Variants in HM13 observed in about 807,000 individuals in gnomAD.
The protein encoded by HM13 is histocompatibility minor 13.
A neutral mutation model predicts 50.0 loss-of-function variants in HM13; 18 were observed. The observed-to-expected ratio is 0.36, with a 90% CI of 0.25 to 0.53. The LOEUF (loss-of-function observed/expected upper bound fraction) is 0.53, where lower values mean the gene tolerates loss of function less well. Ranked by LOEUF, HM13 falls within the 20% of genes least tolerant of loss-of-function variation. The pLI, the probability that HM13 is intolerant of heterozygous loss-of-function variation, is 0.90. For missense variants in HM13, 393 were observed against 552.4 expected (o/e 0.71, Z 2.89); for synonymous variants, 197 against 232.6 (o/e 0.85, Z 1.39).
chr20:31,538,460 G>A, intron 3 of HM13, 199 bp downstream of exon 3: 2 of 1,424,324 alleles, frequency 1.4e-6, no homozygotes, highest in Non-Finnish European at 9.2e-7. Flanking sequence ...TTTCCTTATA[G>A]ACATGATGAG....
chr20:31,529,384 A>G (rs1028323110), intron 2 of HM13, among the ~76,000 whole-genome samples: 5 of 151,658 alleles, frequency 3.3e-5, no homozygotes, highest in Admixed American at 6.6e-5. Context: ...AGCTGGGACT[A>G]CAAGGCGTGC....
At chr20:31,549,543 G>C (rs1020331327) in intron 6 of HM13, among the ~76,000 whole-genome samples, 1 of 152,000 alleles carries the variant, frequency 6.6e-6, no homozygotes, top group Non-Finnish European at 1.5e-5. Flanking sequence ...ACTCATGCCC[G>C]GTGCCTTCCG....
intron 1 of HM13, among the ~76,000 whole-genome samples, chr20:31,525,362 C>T (rs1163141613): frequency 2.0e-5 from 3 of 152,198 alleles, no homozygotes; most frequent in Non-Finnish European, 4.4e-5. Flanking sequence ...GACACCCTCT[C>T]TCTTAGCAGG....
intron 7 of HM13, among the ~76,000 whole-genome samples, chr20:31,553,145 A>C (rs1201851298): frequency 6.6e-6 from 1 of 151,530 alleles, no homozygotes; most frequent in Non-Finnish European, 1.5e-5. Context: ...AAAATACAAA[A>C]ATTAGCCAGG....
rs994842425 is a variant in HM13 at position 31,550,420 on chromosome 20, G to A, written c.724+299G>A. 53 of 365,906 alleles carry A rather than the reference G, an allele frequency of 1.4e-4. 1 individual carries two copies. The highest frequency in any genetic ancestry group is 7.9e-5 in the Admixed American group (2 of 25,326). 22.7% of individuals were successfully genotyped at this position (365,906 alleles called of 1,614,324 possible). On this transcript the variant is annotated intron_variant, in intron 7 of 12. Transcript: ENST00000398174. ...GGGGGGCACGCGCAGGGGCTTTCCA[G>A]GAGAGAAAACCTCTAAGCCGAGACC...
intron 6 of HM13, 91 bp downstream of exon 6, chr20:31,549,423 C>T (rs547771627): frequency 9.0e-5 from 139 of 1,539,730 alleles, no homozygotes; most frequent in Middle Eastern, 1.8e-4. Flanking sequence ...AGTCATCTGA[C>T]GGAGAAGAGC....
At chr20:31,550,192 C>A in intron 7 of HM13, 71 bp downstream of exon 7, 1 of 1,076,324 alleles carries the variant, frequency 9.3e-7, no homozygotes, top group Non-Finnish European at 1.4e-6. Flanking sequence ...CAGCCCGTTT[C>A]AGTCAGTGCA....
chr20:31,538,322 T>G, intron 3 of HM13, 61 bp downstream of exon 3: 1 of 1,613,904 alleles, frequency 6.2e-7, no homozygotes, highest in South Asian at 1.1e-5. Context: ...TACAGGGTCT[T>G]GGATGAGAAC....
chr20:31,557,183 T>C (rs1984356506), intron 8 of HM13, among the ~76,000 whole-genome samples: 3 of 152,208 alleles, frequency 2.0e-5, no homozygotes, highest in African/African-American at 7.2e-5. Flanking sequence ...TGTGTCTTCA[T>C]AATTTGCAGT....
intron 9 of HM13, among the ~76,000 whole-genome samples, chr20:31,560,992 C>T (rs1568799533): frequency 1.3e-5 from 2 of 152,194 alleles, no homozygotes; most frequent in Admixed American, 1.3e-4. Flanking sequence ...CACGTAATGG[C>T]AATGCCGGGC....
At chr20:31,533,240 C>T (rs1046694402) in intron 2 of HM13, among the ~76,000 whole-genome samples, 5 of 152,192 alleles carry the variant, frequency 3.3e-5, no homozygotes, top group African/African-American at 1.2e-4. Flanking sequence ...TAGTGGCTCA[C>T]GCCTGTAATC....
At chr20:31,519,245 G>T (rs1982001396) in intron 1 of HM13, among the ~76,000 whole-genome samples, 1 of 152,286 alleles carries the variant, frequency 6.6e-6, no homozygotes, top group Admixed American at 6.5e-5. Flanking sequence ...GGGATTGCAG[G>T]CACCTGCCAT....
At chr20:31,523,307 G>A (rs377531198) in intron 1 of HM13, among the ~76,000 whole-genome samples, 327 of 145,264 alleles carry the variant, frequency 2.3e-3, no homozygotes, top group African/African-American at 8.1e-3. Context: ...TGTCCACCCA[G>A]GCTGGAGTTC....
At chr20:31,548,089 T>C in intron 4 of HM13, 2 of 1,288,202 alleles carry the variant, frequency 1.6e-6, no homozygotes, top group Admixed American at 1.7e-5. Context: ...AATGTGGATA[T>C]TGATTGTGTC....
At chr20:31,524,573 C>G (rs1306636096) in intron 1 of HM13, among the ~76,000 whole-genome samples, 1 of 152,020 alleles carries the variant, frequency 6.6e-6, no homozygotes, top group Non-Finnish European at 1.5e-5. Flanking sequence ...CAGTATGTTA[C>G]CCAGTGTGTG....
chr20:31,547,027 C>T (rs1240433207), intron 4 of HM13, among the ~76,000 whole-genome samples: 1 of 152,150 alleles, frequency 6.6e-6, no homozygotes, highest in Non-Finnish European at 1.5e-5. Context: ...CACTGGCCCT[C>T]GGGTCAGGAT....
Position 31,566,275 on chromosome 20 carries a change from A to G in HM13, c.1014A>G (p.Gly338=). The change falls in exon 11 of 13, where the codon GGA becomes GGG. Residue 338 remains glycine (G), a synonymous_variant. Transcript: ENST00000398174. ...GFPVLVALAK[G]EVTEMFSYES... ...CTGTCCTGGTGGCGCTGGCCAAGGGAGAAGTGACAGAGATGTTCAGGTAAG... is the reference window on the plus strand; with the variant it reads ...CTGTCCTGGTGGCGCTGGCCAAGGGGGAAGTGACAGAGATGTTCAGGTAAG... The G allele has an allele frequency of 6.2e-7, 1 of 1,613,920 alleles. No homozygotes were observed. The highest frequency in any genetic ancestry group is 8.5e-7 in the Non-Finnish European group (1 of 1,179,914).
chr20:31,551,285 C>T (rs998969870), intron 7 of HM13, among the ~76,000 whole-genome samples: 2 of 152,086 alleles, frequency 1.3e-5, no homozygotes, highest in Non-Finnish European at 2.9e-5. Flanking sequence ...CACCAAGAGC[C>T]AAGGTTACTT....
chr20:31,558,747 A>G (rs2122649529), intron 8 of HM13, among the ~76,000 whole-genome samples: 1 of 152,178 alleles, frequency 6.6e-6, no homozygotes. Context: ...ATTTTGAGAC[A>G]GAGTCTCACT....
Sources: gnomAD v4.1 joint callset for allele counts (sites outside exome capture counted in the v4.1 genomes callset) on GRCh38, gnomAD v4.1.1 for gene constraint, MANE v1.5 for transcripts, NCBI Gene and HGNC (gene_info 2026-07-23, HGNC 2026-07-21) for gene names.